Variants in CA14 observed in about 807,000 individuals in gnomAD.
The protein encoded by CA14 is CA-XIV.
CA14 carries 44 observed loss-of-function variants against 48.8 expected under a neutral mutation model. The observed-to-expected ratio is 0.90, with a 90% CI of 0.71 to 1.16. The LOEUF (loss-of-function observed/expected upper bound fraction) is 1.16. Ranked by LOEUF, CA14 falls within the 50% of genes most tolerant of loss-of-function variation. The pLI is 0.00. For synonymous variants in CA14, 154 were observed against 155.0 expected (o/e 0.99, Z 0.05); for missense variants, 386 against 401.0 (o/e 0.96, Z 0.32).
Position 150,264,847 on chromosome 1 carries a change from G to A in CA14, c.*188G>A. On this transcript the variant is annotated 3_prime_UTR_variant, in exon 11 of 11. Transcript: ENST00000369111. ...TCCAGGAAGAACTGCAGAGCCTTCA[G>A]CCTCTCCAAACATGTAGGAGGAAAT... The A allele has an allele frequency of 2.1e-6, 1 of 487,310 alleles. No homozygotes were observed. The highest frequency in any genetic ancestry group is 3.0e-5 in the South Asian group (1 of 33,342). The allele number at this position is 487,310 out of a possible 1,614,324, so 30.2% of individuals were successfully genotyped here.
At position 150,264,708 on chromosome 1, in the gene CA14, C is replaced by T; in HGVS notation, c.*49C>T. The T allele has an allele frequency of 6.9e-7, 1 of 1,459,108 alleles. No individual in the cohort carries two copies. Among genetic ancestry groups the T allele is most frequent in the Non-Finnish European group, 9.6e-7 (1 of 1,047,028 alleles). The allele number at this position is 1,459,108 out of a possible 1,614,324, so 90.4% of individuals were successfully genotyped here. ...GTGGATGACTTCCCTTCATGCCTAT[C>T]AGGAAGCCTCTAAAATGGGGTGTAG... On this transcript the variant is annotated 3_prime_UTR_variant, in exon 11 of 11. Transcript: ENST00000369111.
chr1:150,262,922 T>A (rs587653744), intron 6 of CA14, 52 bp downstream of exon 6: 1 of 1,585,320 alleles, frequency 6.3e-7, no homozygotes, highest in African/African-American at 1.4e-5. Context: ...TCAAAAACTA[T>A]CCTTAAAAGC....
intron 10 of CA14, among the ~76,000 whole-genome samples, chr1:150,264,143 C>T (rs1437926175): frequency 6.6e-6 from 1 of 152,154 alleles, no homozygotes; most frequent in Non-Finnish European, 1.5e-5. Context: ...CCAGGCTGGT[C>T]TCAAACTCCT....
At chr1:150,263,740 G>A (rs1334720871) in intron 9 of CA14, 54 bp from the exon 10 acceptor site, 2 of 1,612,090 alleles carry the variant, frequency 1.2e-6, no homozygotes, top group Non-Finnish European at 8.5e-7. Flanking sequence ...TGGGGGAAAG[G>A]CTCAAAATCT....
chr1:150,264,018 T>G, intron 10 of CA14, 140 bp downstream of exon 10: 1 of 675,074 alleles, frequency 1.5e-6, no homozygotes, highest in Non-Finnish European at 2.6e-6. Context: ...CTCTGCCTTC[T>G]GGGTTCAAGC....
rs34291619 is a variant in CA14, at chr1:150,263,915, C to CTTT, written c.947+52_947+54dup. ...CTTTCCATTCCTCCAGTCCCTTCTT[C>CTTT]TTTTTTTTTTTTTTTTTGGTAGGTG... On this transcript the variant is annotated intron_variant, in intron 10 of 10. Coordinates refer to ENST00000369111, the MANE Select transcript of CA14 (RefSeq NM_012113.3). 7,592 of 854,816 alleles carry CTTT rather than the reference C, an allele frequency of 8.9e-3. 10 individuals are homozygous for CTTT. Among genetic ancestry groups the CTTT allele is most frequent in the Non-Finnish European group, 0.01 (5,899 of 580,524 alleles). The allele number at this position is 854,816 out of a possible 1,614,324, so 53.0% of individuals were successfully genotyped here. A position where few individuals can be genotyped will look rare whatever the true frequency, so the allele number is the denominator to read the frequency against.
rs1651183611 is a variant in CA14, at chr1:150,262,855, G to A, written c.547G>A (p.Glu183Lys). 1 of 1,612,704 alleles carries A rather than the reference G, an allele frequency of 6.2e-7. No homozygotes were observed. Among genetic ancestry groups the A allele is most frequent in the African/African-American group, 1.3e-5 (1 of 74,894 alleles). ...AYEHILSHLH[E>K]VRHKDQKTSV... ...TGAACACATTCTGAGTCACTTGCAT[G>A]AAGTCAGGCATAAAGGTGAGCCTTA... The change falls in exon 6 of 11, where the codon GAA becomes AAA. Residue 183 changes from glutamate to lysine, a missense_variant. Transcript: ENST00000369111.
Position 150,261,657 on chromosome 1 carries a change from A to G in CA14, c.256+19A>G. 2 of 1,609,722 alleles carry G rather than the reference A, an allele frequency of 1.2e-6. No individual in the cohort carries two copies. Among genetic ancestry groups the G allele is most frequent in the South Asian group, 1.1e-5 (1 of 90,592 alleles). ...CACACAGGTAAAAGCACAGGCTCCA[A>G]GGAGTTGTAGGCTCCAGCTCAGATC... is the stretch of plus-strand genomic sequence containing the variant. On this transcript the variant is annotated intron_variant, in intron 3 of 10. Coordinates refer to ENST00000369111, the MANE Select transcript of CA14 (RefSeq NM_012113.3).
At position 150,259,449 on chromosome 1, in the gene CA14, T is replaced by C. The variant is rs1572060396; in HGVS notation, c.56-702T>C. Among the ~76,000 whole-genome samples, 6 of 152,174 alleles carry C rather than the reference T, an allele frequency of 3.9e-5. No homozygotes were observed. In the South Asian group the frequency reaches 1.2e-3, roughly 32 times the overall value. On this transcript the variant is annotated intron_variant, in intron 1 of 10. Transcript: ENST00000369111. ...CTCTACACACAATGCTTCACTTTCA[T>C]CCTGTCCCTGCCAGCCTGGCTGCCT...
At chr1:150,261,782 C>T (rs1553847926) in intron 3 of CA14, 144 bp downstream of exon 3, 2 of 727,302 alleles carry the variant, frequency 2.7e-6, no homozygotes, top group South Asian at 1.9e-5. Flanking sequence ...GATGTTGGCA[C>T]ATTACCCATC....
intron 2 of CA14, 70 bp downstream of exon 2, chr1:150,260,241 C>A: frequency 6.7e-7 from 1 of 1,485,704 alleles, no homozygotes; most frequent in Non-Finnish European, 9.4e-7. Context: ...GGAAGACACA[C>A]TGTGCGGGTG....
At chr1:150,261,992 A>G (rs932292693) in intron 3 of CA14, among the ~76,000 whole-genome samples, 166 bp from the exon 4 acceptor site, 2 of 152,320 alleles carry the variant, frequency 1.3e-5, no homozygotes, top group African/African-American at 4.8e-5. Context: ...GTCTTCACCA[A>G]GAAAAAGGAA....
intron 1 of CA14, among the ~76,000 whole-genome samples, chr1:150,258,411 C>T (rs1486974470): frequency 3.3e-5 from 5 of 152,146 alleles, no homozygotes; most frequent in African/African-American, 1.2e-4. Flanking sequence ...GGCAGGCAGG[C>T]AGAGTGTGTA....
intron 2 of CA14, chr1:150,260,983 C>T (rs1650980660): frequency 2.5e-5 from 4 of 157,050 alleles, no homozygotes; most frequent in Middle Eastern, 6.7e-3. Flanking sequence ...TGGTCTCGAA[C>T]TCCTGACCTC....
chr1:150,260,543 G>T (rs782559514), intron 2 of CA14: 5 of 369,572 alleles, frequency 1.4e-5, no homozygotes, highest in South Asian at 8.9e-5. Context: ...AGAGCTGGAG[G>T]TCAGGGGTGA....
In CA14 at chr1:150,259,566, G is replaced by A. The variant is rs115399948; in HGVS notation, c.56-585G>A. ...CAGAATGTAGGGAGCAGAGCCTCCT[G>A]GTGATGAGGAGTTTCCTCTAGAGCT... On this transcript the variant is annotated intron_variant, in intron 1 of 10. Coordinates refer to ENST00000369111, the MANE Select transcript of CA14 (RefSeq NM_012113.3). 3.0e-3 allele frequency among the ~76,000 whole-genome samples: 450 copies of A among 152,216 alleles called. 3 individuals are homozygous for A. Among genetic ancestry groups the A allele is most frequent in the African/African-American group, 0.01 (423 of 41,518 alleles).
At position 150,262,158 on chromosome 1, in the gene CA14, T is replaced by C. The variant is rs1553847998; in HGVS notation, c.257T>C (p.Val86Ala). The stretch of plus-strand genomic sequence containing the variant: ...TCCGAGTTTGCTCTTTTCCTCACAG[T>C]GCAACTCTCTCTGCCCTCTACCCTG... ...PLDLHNNGHT[V>A]QLSLPSTLYL... is the part of the protein sequence containing the mutation. The change falls in exon 4 of 11, where the codon GTG becomes GCG. Residue 86 changes from valine to alanine, a missense_variant and splice_region_variant. Val to Ala is a moderately conservative substitution (Grantham distance 64, BLOSUM62 0). Coordinates refer to ENST00000369111, the MANE Select transcript of CA14 (RefSeq NM_012113.3). 6.2e-7 allele frequency: 1 copy of C among 1,614,190 alleles called. No individual in the cohort carries two copies. The highest frequency in any genetic ancestry group is 1.7e-5 in the Admixed American group (1 of 60,028).
At chr1:150,263,231 C>CA (rs1553848376) in intron 7 of CA14, 32 bp downstream of exon 7, 1 of 1,613,734 alleles carries the variant, frequency 6.2e-7, no homozygotes, top group Admixed American at 1.7e-5. Context: ...TGAGGTGAGA[C>CA]ACAGTTGTAA....
In CA14 at chr1:150,262,875, G is replaced by A. The variant is rs202054248; in HGVS notation, c.562+5G>A. ...TGCATGAAGTCAGGCATAAAGGTGA[G>A]CCTTAAAAATCTATAGCAGGAAGTA... On this transcript the variant is annotated splice_donor_5th_base_variant and intron_variant, in intron 6 of 10. Transcript: ENST00000369111. 212 of 1,610,196 alleles carry A rather than the reference G, an allele frequency of 1.3e-4. 1 individual carries two copies. The East Asian group carries it at 4.4e-3, about 33-fold the overall frequency.
Sources: gnomAD v4.1 joint callset for allele counts (sites outside exome capture counted in the v4.1 genomes callset) on GRCh38, gnomAD v4.1.1 for gene constraint, MANE v1.5 for transcripts, NCBI Gene and HGNC (gene_info 2026-07-23, HGNC 2026-07-21) for gene names.